INPP5A: variants seen among roughly 807,000 people sequenced by gnomAD.
The protein encoded by INPP5A is 43 kDa inositol polyphosphate 5-phophatase.
Under a neutral mutation model 65.2 loss-of-function variants are expected in INPP5A, and 14 were observed. The observed-to-expected ratio is 0.21, with a 90% CI of 0.14 to 0.34. INPP5A has a LOEUF of 0.34. Ranked by LOEUF, INPP5A falls within the 10% of genes least tolerant of loss-of-function variation. The pLI is 1.00. For missense variants in INPP5A, 431 were observed against 545.6 expected (o/e 0.79, Z 2.09); for synonymous variants, 207 against 208.3 (o/e 0.99, Z 0.05).
At chr10:132,642,563 A>G (rs1269709589) in intron 2 of INPP5A, among the ~76,000 whole-genome samples, 1 of 152,194 alleles carries the variant, frequency 6.6e-6, no homozygotes, top group Non-Finnish European at 1.5e-5. Flanking sequence ...GTTTGCCTAC[A>G]GAGCTGTGTG....
At chr10:132,641,318 CATT>C (rs2072424733) in intron 2 of INPP5A, among the ~76,000 whole-genome samples, 1 of 152,222 alleles carries the variant, frequency 6.6e-6, no homozygotes, top group African/African-American at 2.4e-5. Context: ...CTCTCAGGCT[CATT>C]ATGTACTCAT....
At chr10:132,715,939 C>T (rs1845731419) in intron 8 of INPP5A, among the ~76,000 whole-genome samples, 1 of 152,238 alleles carries the variant, frequency 6.6e-6, no homozygotes, top group Non-Finnish European at 1.5e-5. Flanking sequence ...CAAGCCCGTG[C>T]CCTCTGCCGT....
intron 4 of INPP5A, among the ~76,000 whole-genome samples, chr10:132,681,976 C>T (rs1361415452): frequency 1.3e-5 from 2 of 152,190 alleles, no homozygotes; most frequent in African/African-American, 2.4e-5. Flanking sequence ...ACATGAGGTA[C>T]TCGGATTAGT....
intron 8 of INPP5A, among the ~76,000 whole-genome samples, chr10:132,714,832 C>T (rs1427280346): frequency 7.8e-6 from 1 of 128,618 alleles, no homozygotes; most frequent in Non-Finnish European, 1.7e-5. Context: ...CTCCACTGGA[C>T]TTCTTATCAC....
At chr10:132,755,141 G>A (rs3793684) in intron 11 of INPP5A, among the ~76,000 whole-genome samples, 24,722 of 152,016 alleles carry the variant, frequency 0.16, 2,423 homozygotes, top group Non-Finnish European at 0.22. Context: ...GTGTCAGCAT[G>A]TGTGAGCAAG....
At chr10:132,757,230 T>A (rs1846639082) in intron 11 of INPP5A, among the ~76,000 whole-genome samples, 1 of 152,246 alleles carries the variant, frequency 6.6e-6, no homozygotes, top group East Asian at 1.9e-4. Flanking sequence ...TGGGCATTTC[T>A]AAAGTCTGCA....
intron 9 of INPP5A, among the ~76,000 whole-genome samples, chr10:132,745,617 C>T (rs1414968903): frequency 8.8e-6 from 1 of 113,376 alleles, no homozygotes; most frequent in Non-Finnish European, 2.2e-5. Flanking sequence ...TGTGTCAGAC[C>T]CTGGGTGTGG....
intron 1 of INPP5A, among the ~76,000 whole-genome samples, chr10:132,567,852 A>G (rs529078498): frequency 2.2e-4 from 33 of 152,284 alleles, no homozygotes; most frequent in Admixed American, 2.2e-3. Context: ...TTGAATGATC[A>G]TATAACTTAG....
intron 2 of INPP5A, among the ~76,000 whole-genome samples, chr10:132,618,809 A>G (rs569409291): frequency 2.4e-4 from 36 of 152,298 alleles, no homozygotes; most frequent in Non-Finnish European, 4.6e-4. Flanking sequence ...GTGGGGATGA[A>G]GTGCACACAC....
At chr10:132,568,979 G>A (rs916849192) in intron 1 of INPP5A, among the ~76,000 whole-genome samples, 37 of 143,170 alleles carry the variant, frequency 2.6e-4, no homozygotes, top group Non-Finnish European at 7.5e-5. Flanking sequence ...GCGATGGCAC[G>A]ATCTCGGCTC....
chr10:132,741,762 TG>T lies in INPP5A; in HGVS notation c.733-7753del, dbSNP rs1456931218. 1.7e-5 allele frequency among the ~76,000 whole-genome samples: 1 copy of T among 59,100 alleles called. No homozygotes were observed. Among genetic ancestry groups the T allele is most frequent in the Non-Finnish European group, 4.2e-5 (1 of 23,570 alleles). The allele number at this position is 59,100 out of a possible 152,430, so 38.8% of individuals were successfully genotyped here. ...ACTCAATAGCCGACGTAAACTGAGG[TG>T]GACGTCAGTGTCCGCGTCCGCTTGC... On this transcript the variant is annotated intron_variant, in intron 9 of 15. Coordinates refer to ENST00000368594, the MANE Select transcript of INPP5A (RefSeq NM_005539.5). The surrounding 1 kb of genome is among the most constrained non-coding windows in gnomAD (Gnocchi z 4.4).
chr10:132,580,599 C>T (rs2071470556), intron 1 of INPP5A, among the ~76,000 whole-genome samples: 1 of 152,040 alleles, frequency 6.6e-6, no homozygotes, highest in Non-Finnish European at 1.5e-5. Context: ...CAGGAAGGGC[C>T]CTAGAGATCA....
chr10:132,689,546 A>G lies in INPP5A; in HGVS notation c.307-846A>G, dbSNP rs143599000. The stretch of plus-strand genomic sequence containing the variant: ...AGTTTTGACAAAGGCAACCACTGCA[A>G]ACCAGTGTAGAATATTCTGATCACC... On this transcript the variant is annotated intron_variant, in intron 4 of 15. Coordinates refer to ENST00000368594, the MANE Select transcript of INPP5A (RefSeq NM_005539.5). Among the ~76,000 whole-genome samples, 920 of 152,324 alleles carry G rather than the reference A, an allele frequency of 6.0e-3. 16 individuals carry two copies. The highest frequency in any genetic ancestry group is 0.021 in the African/African-American group (856 of 41,566).
intron 11 of INPP5A, among the ~76,000 whole-genome samples, chr10:132,755,577 C>T (rs527981386): frequency 2.8e-4 from 38 of 134,158 alleles, no homozygotes; most frequent in South Asian, 2.6e-3. Context: ...CAGGTGTGAG[C>T]GAGTGTGTGT....
intron 8 of INPP5A, among the ~76,000 whole-genome samples, chr10:132,722,318 C>G (rs915708268): frequency 2.0e-5 from 3 of 152,170 alleles, no homozygotes; most frequent in Non-Finnish European, 2.9e-5. Context: ...AAAACCAACT[C>G]CTAGCAAGTT....
chr10:132,729,508 C>T (rs1448875783), intron 9 of INPP5A, among the ~76,000 whole-genome samples: 1 of 152,202 alleles, frequency 6.6e-6, no homozygotes, highest in Non-Finnish European at 1.5e-5. Context: ...GAACTGCCTC[C>T]CGGGCCTCAG....
At chr10:132,594,889 C>G (rs190524053) in intron 1 of INPP5A, among the ~76,000 whole-genome samples, 17 of 152,294 alleles carry the variant, frequency 1.1e-4, no homozygotes, top group African/African-American at 3.6e-4. Flanking sequence ...TGTTATTGCT[C>G]TTAGTGACAG....
rs1845612262 is a variant in INPP5A at position 132,710,318 on chromosome 10, T to G, written c.528-19T>G. The G allele has an allele frequency of 1.2e-6, 2 of 1,612,990 alleles. No individual in the cohort carries two copies. The highest frequency in any genetic ancestry group is 2.7e-5 in the African/African-American group (2 of 75,042). On this transcript the variant is annotated intron_variant, in intron 7 of 15. Coordinates refer to ENST00000368594, the MANE Select transcript of INPP5A (RefSeq NM_005539.5). ...GGCTCCGGCCCTTGGTGACGTGTCCTTTTCTCTTTTGGTTGCAGTGCCTTT... is the reference window on the plus strand; with the variant it reads ...GGCTCCGGCCCTTGGTGACGTGTCCGTTTCTCTTTTGGTTGCAGTGCCTTT...
chr10:132,620,157 C>A (rs1197588773), intron 2 of INPP5A, among the ~76,000 whole-genome samples: 1 of 152,222 alleles, frequency 6.6e-6, no homozygotes, highest in Non-Finnish European at 1.5e-5. Flanking sequence ...GCCTCAGGAC[C>A]TGTGACAGGA....
Sources: allele counts gnomAD v4.1 joint callset (sites outside exome capture counted in the v4.1 genomes callset), GRCh38; gene constraint gnomAD v4.1.1; non-coding constraint Gnocchi (gnomAD v3.1); transcripts MANE v1.5; gene names NCBI Gene and HGNC (gene_info 2026-07-23, HGNC 2026-07-21).